DDHD1: variants seen among roughly 807,000 people sequenced by gnomAD.
The protein encoded by DDHD1 is phospholipase DDHD1.
In DDHD1, 49 loss-of-function variants were observed where a neutral mutation model predicts 96.4. The ratio of observed to expected loss-of-function variants is 0.51; its 90% CI spans 0.40 to 0.64. The LOEUF is 0.64. Among genes scored for constraint, DDHD1 ranks in the 30% least tolerant of loss-of-function variants. The probability of loss-of-function intolerance (pLI) is 0.00; values close to 1 mark genes in which losing one functional copy is unlikely to be tolerated. For missense variants in DDHD1, 1,106 were observed against 1,161.2 expected, an observed-to-expected ratio of 0.95 and a Z score of 0.69; for synonymous variants, 442 against 446.5, an observed-to-expected ratio of 0.99 and a Z score of 0.13.
At chr14:53,152,185 G>T in intron 1 of DDHD1, 76 bp downstream of exon 1, 1 of 1,435,696 alleles carries the variant, frequency 7.0e-7, no homozygotes, top group Non-Finnish European at 9.3e-7. Flanking sequence ...GCGGCGACCA[G>T]TCCCAAACCC....
At chr14:53,056,091 T>C in intron 9 of DDHD1, among the ~76,000 whole-genome samples, 179 bp from the exon 10 acceptor site, 1 of 152,200 alleles carries the variant, frequency 6.6e-6, no homozygotes, top group East Asian at 1.9e-4. Flanking sequence ...GCACTTGATC[T>C]AATGATGAGA....
chr14:53,097,668 G>A (rs899703606), intron 2 of DDHD1, among the ~76,000 whole-genome samples: 1 of 151,762 alleles, frequency 6.6e-6, no homozygotes, highest in Non-Finnish European at 1.5e-5. Flanking sequence ...TAAAACTAAC[G>A]TGAACCAATT....
chr14:53,152,765 C>T lies in DDHD1; in HGVS notation c.334G>A (p.Gly112Ser). The change falls in exon 1 of 13, where the codon GGC becomes AGC. Residue 112 changes from glycine (G) to serine (S), a missense_variant. Physicochemically the swap from Gly to Ser is moderately conservative, Grantham distance 56 (BLOSUM62 0). Coordinates refer to ENST00000673822, the MANE Select transcript of DDHD1 (RefSeq NM_001160148.2). ...YYSEGESGGG[G>S]SSLSLHPPQQ... ...GGCGGGTGCAGCGACAAGGAGCTGCCGCCGCCGCCGCTCTCACCCTCGCTG... is the reference window on the plus strand; with the variant it reads ...GGCGGGTGCAGCGACAAGGAGCTGCTGCCGCCGCCGCTCTCACCCTCGCTG... 1 of 1,586,802 alleles carries T rather than the reference C, an allele frequency of 6.3e-7. No individual in the cohort carries two copies. Among genetic ancestry groups the T allele is most frequent in the Non-Finnish European group, 8.6e-7 (1 of 1,162,418 alleles).
rs372183849 is a variant in DDHD1 at position 53,046,039 on chromosome 14, G to A, written c.*729C>T. 6.6e-6 allele frequency: 1 copy of A among 151,990 alleles called. No homozygotes were observed. The highest frequency in any genetic ancestry group is 2.4e-5 in the African/African-American group (1 of 41,386). The allele number at this position is 151,990 out of a possible 1,614,324, so 9.4% of individuals were successfully genotyped here. ...GAACTAGTGTTGTATGAAGCCATAA[G>A]TTTTTAATGAAAAAAAATGTATGCC... On this transcript the variant is annotated 3_prime_UTR_variant, in exon 13 of 13. Transcript: ENST00000673822.
Position 53,063,008 on chromosome 14 carries a change from AG to A in DDHD1, c.1700del (p.Pro567LeufsTer6). On this transcript the variant is annotated frameshift_variant, in exon 7 of 13. Transcript: ENST00000673822. LOFTEE classifies it high-confidence loss of function. ...CTTCATAGCTCATCCATCGTTCATCAGGCAACTCTTCTTCCTTTTGCAGCAA... is the reference window on the plus strand; with the variant it reads ...CTTCATAGCTCATCCATCGTTCATCAGCAACTCTTCTTCCTTTTGCAGCAA... ...EQLLQKEEEL[P>X]DERWMSYEER... 6.2e-7 allele frequency: 1 copy of A among 1,614,164 alleles called. No homozygotes were observed. Among genetic ancestry groups the A allele is most frequent in the Non-Finnish European group, 8.5e-7 (1 of 1,180,014 alleles).
chr14:53,063,767 A>T (rs1243337113), intron 6 of DDHD1, among the ~76,000 whole-genome samples: 1 of 152,096 alleles, frequency 6.6e-6, no homozygotes, highest in East Asian at 1.9e-4. Flanking sequence ...AGTTCCCACT[A>T]AGTTGGCAAT....
At chr14:53,067,834 C>T (rs913310159) in intron 6 of DDHD1, among the ~76,000 whole-genome samples, 1 of 152,112 alleles carries the variant, frequency 6.6e-6, no homozygotes, top group Non-Finnish European at 1.5e-5. Flanking sequence ...CTCATATAAC[C>T]TTTACCCAGG....
intron 4 of DDHD1, 90 bp downstream of exon 4, chr14:53,091,695 T>C: frequency 7.3e-7 from 1 of 1,364,462 alleles, no homozygotes; most frequent in Non-Finnish European, 1.0e-6. Context: ...GAACATGCAG[T>C]GGAATTAGTA....
intron 1 of DDHD1, among the ~76,000 whole-genome samples, chr14:53,134,597 T>TAA (rs35451633): frequency 0.07 from 8,889 of 127,894 alleles, 418 homozygotes; most frequent in Admixed American, 0.15. Flanking sequence ...TACTCACTGC[T>TAA]AAAAAAAAAA....
chr14:53,126,989 A>T (rs1889493323), intron 1 of DDHD1, among the ~76,000 whole-genome samples: 1 of 152,168 alleles, frequency 6.6e-6, no homozygotes, highest in Non-Finnish European at 1.5e-5. Context: ...AGAAACTAAA[A>T]TTTTTTAAAA....
chr14:53,117,067 A>C (rs978205713), intron 1 of DDHD1, among the ~76,000 whole-genome samples: 5 of 151,976 alleles, frequency 3.3e-5, no homozygotes, highest in Non-Finnish European at 5.9e-5. Flanking sequence ...CATGAAAATG[A>C]TAAAAGGGAT....
At chr14:53,119,617 GC>G (rs1888827201) in intron 1 of DDHD1, among the ~76,000 whole-genome samples, 1 of 152,202 alleles carries the variant, frequency 6.6e-6, no homozygotes, top group Non-Finnish European at 1.5e-5. Context: ...ATACAAGTCA[GC>G]TTCATCCCTG....
At chr14:53,051,674 C>A (rs1377275990) in intron 12 of DDHD1, among the ~76,000 whole-genome samples, 170 bp downstream of exon 12, 1 of 151,846 alleles carries the variant, frequency 6.6e-6, no homozygotes, top group Admixed American at 6.6e-5. Flanking sequence ...AGAACCACTA[C>A]CATTTAAGAC....
At chr14:53,072,487 A>T (rs1884590785) in intron 6 of DDHD1, 110 bp downstream of exon 6, 2 of 506,236 alleles carry the variant, frequency 4.0e-6, no homozygotes, top group Non-Finnish European at 6.7e-6. Context: ...TAGATTAATG[A>T]ATTCCTGTAA....
At chr14:53,074,855 T>C (rs1884819254) in intron 4 of DDHD1, among the ~76,000 whole-genome samples, 1 of 152,176 alleles carries the variant, frequency 6.6e-6, no homozygotes, top group African/African-American at 2.4e-5. Flanking sequence ...TTAGTGCATT[T>C]TTCCAACAGC....
chr14:53,112,478 C>T (rs1247572059), intron 1 of DDHD1, among the ~76,000 whole-genome samples: 1 of 151,754 alleles, frequency 6.6e-6, no homozygotes, highest in Non-Finnish European at 1.5e-5. Context: ...AAATTAATTG[C>T]TATATCAAAG....
intron 1 of DDHD1, among the ~76,000 whole-genome samples, chr14:53,109,087 G>C (rs1015943966): frequency 2.0e-5 from 3 of 152,128 alleles, no homozygotes; most frequent in African/African-American, 4.8e-5. Flanking sequence ...ACGGTGTTAC[G>C]GTGGAGTTGT....
At chr14:53,048,648 T>C (rs1298448966) in intron 12 of DDHD1, 1 of 152,182 alleles carries the variant, frequency 6.6e-6, no homozygotes, top group South Asian at 2.1e-4. Context: ...CTGGACTGCA[T>C]TTTTAAAATT....
At chr14:53,130,582 C>A (rs1283193350) in intron 1 of DDHD1, among the ~76,000 whole-genome samples, 1 of 152,198 alleles carries the variant, frequency 6.6e-6, no homozygotes, top group Non-Finnish European at 1.5e-5. Context: ...CAAACCCCAG[C>A]CACATCTCCA....
Sources: gnomAD v4.1 joint callset for allele counts (sites outside exome capture counted in the v4.1 genomes callset) on GRCh38, gnomAD v4.1.1 for gene constraint, MANE v1.5 for transcripts, NCBI Gene and HGNC (gene_info 2026-07-23, HGNC 2026-07-21) for gene names.